SLC4A8: variants seen among roughly 807,000 people sequenced by gnomAD.
SLC4A8 encodes the protein solute carrier family 4 member 8, also known as electroneutral sodium bicarbonate exchanger 1.
Under a neutral mutation model 125.0 loss-of-function variants are expected in SLC4A8, and 40 were observed. The ratio of observed to expected loss-of-function variants is 0.32; its 90% confidence interval spans 0.25 to 0.42. The LOEUF (loss-of-function observed/expected upper bound fraction) is 0.42. SLC4A8 is among the 10% of genes least tolerant of loss of function. The probability of loss-of-function intolerance (pLI) is 1.00; values close to 1 mark genes in which losing one functional copy is unlikely to be tolerated. For missense variants in SLC4A8, 863 were observed against 1,355.1 expected (o/e 0.64, Z 5.70); for synonymous variants, 456 against 476.0 (o/e 0.96, Z 0.55).
intron 22 of SLC4A8, among the ~76,000 whole-genome samples, chr12:51,500,545 TATA>T (rs1403946067): frequency 2.0e-5 from 3 of 152,106 alleles, no homozygotes; most frequent in African/African-American, 7.2e-5. Flanking sequence ...TAAATGGATG[TATA>T]ATGTTCTATA....
At chr12:51,393,821 G>A (rs1037800422) in intron 1 of SLC4A8, among the ~76,000 whole-genome samples, 27 of 152,154 alleles carry the variant, frequency 1.8e-4, no homozygotes, top group Admixed American at 9.8e-4. Context: ...TTTCTACAGA[G>A]CTTCCTTGAG....
chr12:51,449,751 AG>A (rs1360790818), intron 2 of SLC4A8, among the ~76,000 whole-genome samples: 5 of 152,208 alleles, frequency 3.3e-5, no homozygotes, highest in Admixed American at 3.3e-4. Flanking sequence ...GGCTTATAGA[AG>A]GAATGAGGCC....
intron 19 of SLC4A8, among the ~76,000 whole-genome samples, chr12:51,492,220 C>T (rs898645485): frequency 1.3e-5 from 2 of 152,108 alleles, no homozygotes; most frequent in Non-Finnish European, 2.9e-5. Flanking sequence ...TCCCAGGTGC[C>T]AGCCATTCTG....
At chr12:51,400,630 T>C (rs1487042172) in intron 1 of SLC4A8, among the ~76,000 whole-genome samples, 4 of 149,742 alleles carry the variant, frequency 2.7e-5, no homozygotes, top group Non-Finnish European at 5.9e-5. Flanking sequence ...CTTTAACCAC[T>C]CAATGGAAAA....
chr12:51,426,047 T>A (rs542033360), intron 1 of SLC4A8, among the ~76,000 whole-genome samples: 4 of 152,288 alleles, frequency 2.6e-5, no homozygotes, highest in Non-Finnish European at 5.9e-5. Context: ...AGTACAGGGC[T>A]CTGAAGAGGG....
chr12:51,466,833 T>G (rs1485885931), intron 11 of SLC4A8, among the ~76,000 whole-genome samples: 1 of 152,168 alleles, frequency 6.6e-6, no homozygotes, highest in Non-Finnish European at 1.5e-5. Flanking sequence ...TTCTATGGCT[T>G]CTTAGAAATC....
intron 1 of SLC4A8, chr12:51,392,978 G>GTCTT (rs538141987): frequency 6.6e-6 from 1 of 152,058 alleles, no homozygotes; most frequent in African/African-American, 2.4e-5. Flanking sequence ...AAATAAATTT[G>GTCTT]TCTTTCTTTC....
Position 51,504,164 on chromosome 12 carries a change from C to CT in SLC4A8, c.3173+45dup, listed in dbSNP as rs552012760. The CT allele has an allele frequency of 1.1e-3, 1,331 of 1,181,960 alleles. 2 individuals carry two copies. The highest frequency in any genetic ancestry group is 1.5e-3 in the Non-Finnish European group (1,200 of 811,170). The allele number at this position is 1,181,960 out of a possible 1,614,324, so 73.2% of individuals were successfully genotyped here. A position where few individuals can be genotyped will look rare whatever the true frequency, so the allele number is the denominator to read the frequency against. On this transcript the variant is annotated intron_variant, in intron 23 of 24. Transcript: ENST00000453097. ...AAGGAGTTTACTTTTGGGTTATTCT[C>CT]TAAGTGTTCTGGCTTTGTGGTGGTG...
At chr12:51,472,652 A>G (rs931435549) in intron 14 of SLC4A8, among the ~76,000 whole-genome samples, 2 of 152,184 alleles carry the variant, frequency 1.3e-5, no homozygotes, top group African/African-American at 4.8e-5. Flanking sequence ...AGTGGCAAAC[A>G]TGACAAAGGA....
chr12:51,436,793 A>C (rs952789083), intron 1 of SLC4A8, among the ~76,000 whole-genome samples: 4 of 151,982 alleles, frequency 2.6e-5, no homozygotes, highest in African/African-American at 9.7e-5. Flanking sequence ...CACCCGGCTA[A>C]TTTTTGTATT....
At chr12:51,484,723 A>G (rs1207308471) in intron 16 of SLC4A8, among the ~76,000 whole-genome samples, 1 of 152,218 alleles carries the variant, frequency 6.6e-6, no homozygotes, top group East Asian at 1.9e-4. Context: ...ATTTTATTAA[A>G]GCCACACTAT....
rs1159014669 is a variant in SLC4A8 at position 51,471,594 on chromosome 12, G to A, written c.1904+62G>A. The stretch of plus-strand genomic sequence containing the variant: ...AAAGGGCCTGAGTTTAATTGCTGAT[G>A]TAGAGTGCTAGGCAGTGCTTACAGC... On this transcript the variant is annotated intron_variant, in intron 14 of 24. Coordinates refer to ENST00000453097, the MANE Select transcript of SLC4A8 (RefSeq NM_001039960.3). 4.5e-6 allele frequency: 7 copies of A among 1,564,250 alleles called. No individual in the cohort carries two copies. In the South Asian group the frequency reaches 7.2e-5, roughly 16 times the overall value.
intron 1 of SLC4A8, chr12:51,403,312 G>A: frequency 2.2e-6 from 1 of 444,588 alleles, no homozygotes; most frequent in Non-Finnish European, 4.6e-6. Flanking sequence ...ATATGTGCCT[G>A]TTACTCCACC....
At chr12:51,478,473 T>C (rs867903567) in intron 16 of SLC4A8, among the ~76,000 whole-genome samples, 1 of 152,096 alleles carries the variant, frequency 6.6e-6, no homozygotes, top group South Asian at 2.1e-4. Flanking sequence ...AGAAACTTTA[T>C]ATGATATTAT....
intron 2 of SLC4A8, among the ~76,000 whole-genome samples, chr12:51,447,476 T>C (rs1365716090): frequency 6.6e-6 from 1 of 152,104 alleles, no homozygotes; most frequent in Non-Finnish European, 1.5e-5. Context: ...GCATCTGCAG[T>C]GCATCTTGAA....
chr12:51,479,012 G>C (rs767349978), intron 16 of SLC4A8, among the ~76,000 whole-genome samples: 3 of 152,198 alleles, frequency 2.0e-5, no homozygotes, highest in Non-Finnish European at 4.4e-5. Context: ...AGTGAGATTT[G>C]ATATGATGAC....
At chr12:51,396,058 G>A (rs1262639087) in intron 1 of SLC4A8, among the ~76,000 whole-genome samples, 5 of 152,186 alleles carry the variant, frequency 3.3e-5, no homozygotes, top group Admixed American at 2.0e-4. Context: ...ACCCATTTCT[G>A]TGTGCCTCAA....
intron 16 of SLC4A8, among the ~76,000 whole-genome samples, chr12:51,477,285 G>A (rs772325706): frequency 6.6e-6 from 1 of 152,190 alleles, no homozygotes; most frequent in African/African-American, 2.4e-5. Context: ...GTGTGTGAAA[G>A]TGTGAGACCT....
intron 20 of SLC4A8, chr12:51,494,289 C>G (rs1466092902): frequency 1.2e-4 from 19 of 153,244 alleles, no homozygotes; most frequent in Admixed American, 1.2e-3. Flanking sequence ...AACTATTGCT[C>G]TAAGTCTTTC....
Sources: allele counts gnomAD v4.1 joint callset (sites outside exome capture counted in the v4.1 genomes callset), GRCh38; gene constraint gnomAD v4.1.1; transcripts MANE v1.5; gene names NCBI Gene and HGNC (gene_info 2026-07-23, HGNC 2026-07-21).